The following ZNF385D variants were observed in gnomAD, a reference collection of about 807,000 sequenced individuals.
ZNF385D encodes the protein zinc finger protein 659.
Under a neutral mutation model 35.8 loss-of-function variants are expected in ZNF385D, and 15 were observed. The observed-to-expected ratio is 0.42, with a 90% CI of 0.28 to 0.64. The LOEUF is 0.64. Ranked by LOEUF, ZNF385D falls within the 30% of genes least tolerant of loss-of-function variation. The pLI, the probability that ZNF385D is intolerant of heterozygous loss-of-function variation, is 0.23. For synonymous variants in ZNF385D, 212 were observed against 186.8 expected (o/e 1.13, Z -1.10); for missense variants, 474 against 494.6 (o/e 0.96, Z 0.39).
At chr3:22,295,885 C>T (rs760681413) in intron 2 of ZNF385D, among the ~76,000 whole-genome samples, 1 of 151,956 alleles carries the variant, frequency 6.6e-6, no homozygotes, top group African/African-American at 2.4e-5. Context: ...TCAAGAAGTA[C>T]AAAGGCTAAT....
At chr3:22,036,541 G>A (rs182419447) in intron 3 of ZNF385D, among the ~76,000 whole-genome samples, 4 of 151,968 alleles carry the variant, frequency 2.6e-5, no homozygotes, top group East Asian at 1.9e-4. Context: ...GTAGTGATAT[G>A]AGTATATGGC....
chr3:21,980,410 G>T lies in ZNF385D; in HGVS notation c.325+188407C>A, dbSNP rs1694364420. On this transcript the variant is annotated intron_variant, in intron 3 of 5. Coordinates refer to the ZNF385D transcript ENST00000494108. Reference sequence around the variant, plus strand: ...TGGGGAGATTTATTACATAAAAGTAGATAATAATGCAACGTAATAATGTAG... The same window carrying T: ...TGGGGAGATTTATTACATAAAAGTATATAATAATGCAACGTAATAATGTAG... Among the ~76,000 whole-genome samples, 4 of 152,096 alleles carry T rather than the reference G, an allele frequency of 2.6e-5. No homozygotes were observed. The South Asian group carries it at 8.3e-4, about 32-fold the overall frequency.
intron 3 of ZNF385D, among the ~76,000 whole-genome samples, chr3:21,969,345 C>T (rs67400140): frequency 0.25 from 37,442 of 151,864 alleles, 5,106 homozygotes; most frequent in East Asian, 0.32. Flanking sequence ...ATTCTGTGCT[C>T]ATGGTAGGGA....
intron 3 of ZNF385D, among the ~76,000 whole-genome samples, chr3:21,519,075 C>A (rs1707758023): frequency 6.6e-6 from 1 of 151,892 alleles, no homozygotes; most frequent in Non-Finnish European, 1.5e-5. Context: ...TTCCTGTCTT[C>A]TGTACTCTTC....
chr3:21,886,341 C>T (rs183492591), intron 3 of ZNF385D, among the ~76,000 whole-genome samples: 48 of 139,618 alleles, frequency 3.4e-4, no homozygotes, highest in African/African-American at 4.6e-4. Flanking sequence ...ATTTAGTAAC[C>T]GAATCTGGCT....
chr3:21,772,580 G>T (rs1432877366), intron 3 of ZNF385D, among the ~76,000 whole-genome samples: 3 of 151,874 alleles, frequency 2.0e-5, no homozygotes, highest in Non-Finnish European at 4.4e-5. Flanking sequence ...AAGAGGAGGA[G>T]AAATTGAAAC....
intron 3 of ZNF385D, among the ~76,000 whole-genome samples, chr3:21,529,548 T>C (rs1009857133): frequency 2.0e-5 from 3 of 152,156 alleles, no homozygotes; most frequent in African/African-American, 7.2e-5. Context: ...GATCTTGTGA[T>C]TATTTTTTTT....
chr3:21,746,705 G>A lies in ZNF385D; in HGVS notation c.22+4190C>T, dbSNP rs752073840. 7.2e-5 allele frequency among the ~76,000 whole-genome samples: 11 copies of A among 152,310 alleles called. No homozygotes were observed. In the East Asian group the frequency reaches 1.5e-3, roughly 21 times the overall value. On this transcript the variant is annotated intron_variant, in intron 1 of 7. Transcript: ENST00000281523. ...AGTGGCTGAGTGTTTAGAAATAGTC[G>A]AGTGGACCTAATTCCTCATAACAGA...
At position 22,177,838 on chromosome 3, in the gene ZNF385D, G is replaced by GT. The variant is rs1694939911; in HGVS notation, c.107-8804dup. Among the ~76,000 whole-genome samples the GT allele has an allele frequency of 3.9e-5, 6 of 152,204 alleles. No homozygotes were observed. The South Asian group carries it at 1.0e-3, about 26-fold the overall frequency. On this transcript the variant is annotated intron_variant, in intron 2 of 5. Coordinates refer to the ZNF385D transcript ENST00000494108. ...TATGAGTGAGAACATACGGTGGTTGGTTTTTTGTCCTTGTGATAGTTTGCT... is the reference window on the plus strand; with the variant it reads ...TATGAGTGAGAACATACGGTGGTTGGTTTTTTTGTCCTTGTGATAGTTTGCT...
chr3:22,007,046 T>C (rs1696254053), intron 3 of ZNF385D, among the ~76,000 whole-genome samples: 1 of 152,142 alleles, frequency 6.6e-6, no homozygotes, highest in Admixed American at 6.5e-5. Context: ...TATCAGTTTT[T>C]CAAAACTCTC....
intron 1 of ZNF385D, among the ~76,000 whole-genome samples, chr3:21,711,094 T>G (rs1263762495): frequency 9.2e-5 from 12 of 130,952 alleles, no homozygotes; most frequent in Admixed American, 5.6e-4. Context: ...TAGGATGGAG[T>G]GCAGTGGCGT....
chr3:22,206,378 A>G (rs745984006), intron 2 of ZNF385D, among the ~76,000 whole-genome samples: 1 of 152,032 alleles, frequency 6.6e-6, no homozygotes, highest in Non-Finnish European at 1.5e-5. Context: ...TCATCAAAAC[A>G]AAGGATCAAC....
intron 3 of ZNF385D, among the ~76,000 whole-genome samples, chr3:22,046,821 CAATT>C (rs1014837381): frequency 2.6e-5 from 4 of 151,980 alleles, no homozygotes; most frequent in Admixed American, 2.0e-4. Context: ...TTTGGAGAAA[CAATT>C]TATTTTATAT....
rs186541774 is a variant in ZNF385D at position 21,888,306 on chromosome 3, T to C, written c.326-223278A>G. Among the ~76,000 whole-genome samples the C allele has an allele frequency of 1.2e-4, 18 of 152,146 alleles. No homozygotes were observed. In the South Asian group the frequency reaches 1.2e-3, roughly 11 times the overall value. ...AAAAAATCTTTTATATTGTGGTATA[T>C]TGCAAAGAGAGAAAGTAAAAAAGTA... On this transcript the variant is annotated intron_variant, in intron 3 of 5. Coordinates refer to the ZNF385D transcript ENST00000494108.
chr3:22,056,296 A>G (rs1270599800), intron 3 of ZNF385D, among the ~76,000 whole-genome samples: 6 of 24,030 alleles, frequency 2.5e-4, no homozygotes, highest in Non-Finnish European at 5.2e-4. Flanking sequence ...AAAAAAAAAA[A>G]AAAAAAAAAA....
At chr3:21,962,803 G>C (rs1468440565) in intron 3 of ZNF385D, among the ~76,000 whole-genome samples, 1 of 152,118 alleles carries the variant, frequency 6.6e-6, no homozygotes, top group East Asian at 1.9e-4. Context: ...GTTGTTTCCT[G>C]ATGAGGGAAC....
chr3:21,467,345 C>G (rs1393073), intron 4 of ZNF385D, among the ~76,000 whole-genome samples: 31,092 of 151,998 alleles, frequency 0.2, 3,298 homozygotes, highest in East Asian at 0.26. Context: ...GCTTCTTTGC[C>G]AAAACATTAT....
intron 2 of ZNF385D, among the ~76,000 whole-genome samples, chr3:22,184,145 G>T (rs531427982): frequency 1.3e-5 from 2 of 152,134 alleles, no homozygotes; most frequent in Non-Finnish European, 2.9e-5. Context: ...TGTTCAAGTT[G>T]TGTGGCCTCC....
chr3:22,187,285 G>A (rs560595563), intron 2 of ZNF385D, among the ~76,000 whole-genome samples: 3 of 152,136 alleles, frequency 2.0e-5, no homozygotes, highest in Non-Finnish European at 2.9e-5. Flanking sequence ...TAAAATAAGA[G>A]TGCTAAACAC....
Sources: gnomAD v4.1 joint callset for allele counts (sites outside exome capture counted in the v4.1 genomes callset) on GRCh38, gnomAD v4.1.1 for gene constraint, MANE v1.5 for transcripts, NCBI Gene and HGNC (gene_info 2026-07-23, HGNC 2026-07-21) for gene names.